MAPK4: variants seen among roughly 807,000 people sequenced by gnomAD.
MAPK4 encodes the protein Erk3-related.
MAPK4 carries 22 observed loss-of-function variants against 47.7 expected under a neutral mutation model. That is an observed-to-expected ratio of 0.46 (90% confidence interval 0.33 to 0.66). The LOEUF (loss-of-function observed/expected upper bound fraction) is 0.66, where lower values mean the gene tolerates loss of function less well. Ranked by LOEUF, MAPK4 falls within the 30% of genes least tolerant of loss-of-function variation. The probability of loss-of-function intolerance (pLI) is 0.02; values close to 1 mark genes in which losing one functional copy is unlikely to be tolerated. For missense variants in MAPK4, 736 were observed against 831.7 expected (o/e 0.88, Z 1.42); for synonymous variants, 390 against 365.7 (o/e 1.07, Z -0.76).
intron 2 of MAPK4, among the ~76,000 whole-genome samples, chr18:50,683,466 G>GTGTA (rs1046991599): frequency 1.3e-5 from 2 of 151,588 alleles, no homozygotes; most frequent in African/African-American, 4.9e-5. Flanking sequence ...GTGTGTGTGT[G>GTGTA]TGTGTGTGTG....
At chr18:50,623,729 C>T (rs2149383284) in intron 1 of MAPK4, among the ~76,000 whole-genome samples, 1 of 152,332 alleles carries the variant, frequency 6.6e-6, no homozygotes, top group East Asian at 1.9e-4. Flanking sequence ...ACATCATTTC[C>T]CTGCTTGGAA....
rs1260278229 is a variant in MAPK4, at chr18:50,644,882, C to T, written c.-870-18207C>T. On this transcript the variant is annotated intron_variant, in intron 1 of 5. Coordinates refer to ENST00000400384, the MANE Select transcript of MAPK4 (RefSeq NM_002747.4). ...ATGTTTTTTCACCATTTGCATAAGA[C>T]GTGCTATTCCCCCATCATCCCACCC... Among the ~76,000 whole-genome samples the T allele has an allele frequency of 2.6e-5, 4 of 152,324 alleles. No individual in the cohort carries two copies. In the East Asian group the frequency reaches 5.8e-4, roughly 22 times the overall value.
At chr18:50,599,652 C>T (rs889649658) in intron 1 of MAPK4, among the ~76,000 whole-genome samples, 6 of 152,142 alleles carry the variant, frequency 3.9e-5, no homozygotes, top group African/African-American at 1.4e-4. Context: ...CTCCTGGGCT[C>T]AAGCGGTCCA....
chr18:50,567,571 T>A (rs73959970), intron 1 of MAPK4, among the ~76,000 whole-genome samples: 2,473 of 152,312 alleles, frequency 0.016, 63 homozygotes, highest in African/African-American at 0.057. Flanking sequence ...TACCTTATAT[T>A]GATAGCATAC....
chr18:50,704,163 A>G (rs1909928629), intron 2 of MAPK4, among the ~76,000 whole-genome samples: 1 of 152,128 alleles, frequency 6.6e-6, no homozygotes, highest in Non-Finnish European at 1.5e-5. Context: ...GGAGACTCCA[A>G]AATCTGTCAC....
At chr18:50,640,820 A>G (rs1408328184) in intron 1 of MAPK4, among the ~76,000 whole-genome samples, 5 of 152,046 alleles carry the variant, frequency 3.3e-5, no homozygotes, top group African/African-American at 4.8e-5. Context: ...ACACACACAC[A>G]CACGCACACA....
intron 1 of MAPK4, among the ~76,000 whole-genome samples, chr18:50,659,825 C>T (rs907702794): frequency 1.5e-4 from 23 of 152,202 alleles, no homozygotes; most frequent in Admixed American, 5.2e-4. Context: ...CCATCTCAGA[C>T]AGTGAATGCC....
At position 50,634,157 on chromosome 18, in the gene MAPK4, A is replaced by G. The variant is rs145190479; in HGVS notation, c.-870-28932A>G. 9.9e-4 allele frequency among the ~76,000 whole-genome samples: 150 copies of G among 152,148 alleles called. 1 individual carries two copies. The highest frequency in any genetic ancestry group is 3.1e-3 in the African/African-American group (128 of 41,488). ...AATGAAAACCGGTGCCTCCCTTCCTATCAGGACTGGAGCAGAGCTGAGCGG... is the reference window on the plus strand; with the variant it reads ...AATGAAAACCGGTGCCTCCCTTCCTGTCAGGACTGGAGCAGAGCTGAGCGG... On this transcript the variant is annotated intron_variant, in intron 1 of 5. Coordinates refer to ENST00000400384, the MANE Select transcript of MAPK4 (RefSeq NM_002747.4).
chr18:50,719,695 C>T (rs896140773), intron 3 of MAPK4, among the ~76,000 whole-genome samples: 4 of 152,240 alleles, frequency 2.6e-5, no homozygotes, highest in African/African-American at 7.2e-5. Context: ...AGGCTGACAA[C>T]CTTCAGGCCA....
At chr18:50,595,848 C>T (rs1568038826) in intron 1 of MAPK4, among the ~76,000 whole-genome samples, 1 of 152,110 alleles carries the variant, frequency 6.6e-6, no homozygotes, top group African/African-American at 2.4e-5. Context: ...GCAGCTTCAT[C>T]ACACGCTTTC....
intron 1 of MAPK4, among the ~76,000 whole-genome samples, chr18:50,660,743 G>A (rs58460017): frequency 2.0e-5 from 3 of 152,294 alleles, no homozygotes; most frequent in African/African-American, 7.2e-5. Flanking sequence ...AATGGGGGTG[G>A]TGGGGAAGCA....
chr18:50,693,985 A>G (rs1341957892), intron 2 of MAPK4, among the ~76,000 whole-genome samples: 1 of 152,210 alleles, frequency 6.6e-6, no homozygotes, highest in Non-Finnish European at 1.5e-5. Flanking sequence ...TGTAGGATGC[A>G]GAGAAGGCTC....
chr18:50,610,916 T>C (rs2042627594), intron 1 of MAPK4, among the ~76,000 whole-genome samples: 1 of 152,198 alleles, frequency 6.6e-6, no homozygotes, highest in Non-Finnish European at 1.5e-5. Flanking sequence ...GGACAGTTCT[T>C]GGTGAGGGCT....
intron 1 of MAPK4, among the ~76,000 whole-genome samples, chr18:50,577,226 G>A (rs2969970): frequency 0.26 from 39,728 of 151,998 alleles, 6,041 homozygotes; most frequent in African/African-American, 0.43. Context: ...CTTTGGCTGC[G>A]TTAGAATCAC....
At chr18:50,592,545 TTC>T (rs2042446559) in intron 1 of MAPK4, among the ~76,000 whole-genome samples, 1 of 152,220 alleles carries the variant, frequency 6.6e-6, no homozygotes, top group Non-Finnish European at 1.5e-5. Flanking sequence ...GGTGTCTGTC[TTC>T]TTTCTTTCTG....
rs1167419602 is a variant in MAPK4, at chr18:50,625,927, C to CACACAT, written c.-870-37161_-870-37160insCACATA. ...ACACACACACACACACACACACACA[C>CACACAT]ATATATAATGACATTTATTTTAAGG... On this transcript the variant is annotated intron_variant, in intron 1 of 5. Coordinates refer to ENST00000400384, the MANE Select transcript of MAPK4 (RefSeq NM_002747.4). Among the ~76,000 whole-genome samples the CACACAT allele has an allele frequency of 3.0e-3, 283 of 93,388 alleles. 1 individual carries two copies. The highest frequency in any genetic ancestry group is 0.011 in the African/African-American group (272 of 24,348). 61.3% of individuals were successfully genotyped at this position (93,388 alleles called of 152,430 possible). A position where few individuals can be genotyped will look rare whatever the true frequency, so the allele number is the denominator to read the frequency against.
At chr18:50,591,027 G>A (rs2042432296) in intron 1 of MAPK4, among the ~76,000 whole-genome samples, 1 of 152,108 alleles carries the variant, frequency 6.6e-6, no homozygotes, top group Non-Finnish European at 1.5e-5. Flanking sequence ...CCTCAATGAA[G>A]GTCTTCTTTT....
intron 2 of MAPK4, chr18:50,705,076 A>G (rs1467992477): frequency 3.4e-6 from 1 of 291,554 alleles, no homozygotes; most frequent in African/African-American, 2.2e-5. Flanking sequence ...AGCATGTTCA[A>G]TAGAAAACCG....
intron 2 of MAPK4, among the ~76,000 whole-genome samples, chr18:50,682,560 G>A (rs1174142511): frequency 2.0e-5 from 3 of 152,058 alleles, no homozygotes; most frequent in Non-Finnish European, 4.4e-5. Context: ...GCAAATTGAA[G>A]CCAACAATAT....
Sources: gnomAD v4.1 joint callset for allele counts (sites outside exome capture counted in the v4.1 genomes callset) on GRCh38, gnomAD v4.1.1 for gene constraint, MANE v1.5 for transcripts, NCBI Gene and HGNC (gene_info 2026-07-23, HGNC 2026-07-21) for gene names.